CSMD1: variants seen among roughly 807,000 people sequenced by gnomAD.
The protein encoded by CSMD1 is CUB and sushi domain-containing protein 1.
In CSMD1, 213 loss-of-function variants were observed where a neutral mutation model predicts 417.5. The ratio of observed to expected loss-of-function variants is 0.51; its 90% CI spans 0.46 to 0.57. The LOEUF is 0.57. CSMD1 is among the 20% of genes least tolerant of loss of function. CSMD1 has a pLI of 0.00. For missense variants in CSMD1, 6,923 were observed against 4,529.7 expected (o/e 1.53, Z -15.17); for synonymous variants, 2,862 against 1,736.8 (o/e 1.65, Z -16.11).
chr8:3,795,379 CATGT>C lies in CSMD1; in HGVS notation c.819-41341_819-41338del, dbSNP rs1419914773. Among the ~76,000 whole-genome samples, 2 of 37,116 alleles carry C rather than the reference CATGT, an allele frequency of 5.4e-5. 1 individual carries two copies. Among genetic ancestry groups the C allele is most frequent in the African/African-American group, 1.8e-4 (2 of 10,846 alleles). 24.3% of individuals were successfully genotyped at this position (37,116 alleles called of 152,430 possible). ...ATCTATCATGTATATAGATATATATCATGTATAGATATAGATATCTATCATAGAT... is the reference window on the plus strand; with the variant it reads ...ATCTATCATGTATATAGATATATATCATAGATATAGATATCTATCATAGAT... On this transcript the variant is annotated intron_variant, in intron 5 of 69. Transcript: ENST00000635120.
intron 1 of CSMD1, among the ~76,000 whole-genome samples, chr8:4,721,116 C>G (rs1809026501): frequency 6.6e-6 from 1 of 152,144 alleles, no homozygotes; most frequent in African/African-American, 2.4e-5. Context: ...GCTTTGGAAA[C>G]TTACAAATGC....
chr8:3,737,127 C>T (rs950377692), intron 6 of CSMD1, among the ~76,000 whole-genome samples: 1 of 152,200 alleles, frequency 6.6e-6, no homozygotes, highest in Non-Finnish European at 1.5e-5. Flanking sequence ...ATATTTTAAT[C>T]TTAAATTAGA....
intron 2 of CSMD1, among the ~76,000 whole-genome samples, chr8:4,626,187 T>C (rs1802099791): frequency 6.6e-6 from 1 of 152,160 alleles, no homozygotes; most frequent in Non-Finnish European, 1.5e-5. Context: ...AAGGTTTTCT[T>C]TAGCTCAGTT....
intron 3 of CSMD1, among the ~76,000 whole-genome samples, chr8:4,141,931 C>A (rs1204882747): frequency 6.6e-6 from 1 of 150,938 alleles, no homozygotes. Context: ...ATTTGCTATG[C>A]TATCCAAAAT....
At position 3,562,389 on chromosome 8, in the gene CSMD1, TACACACATGCATAC is replaced by T. The variant is rs1051520851; in HGVS notation, c.1344+12542_1344+12555del. ...ACACACACATGCACACACACACACG[TACACACATGCATAC>T]ACACACATGCACAAACACACATGCA... On this transcript the variant is annotated intron_variant, in intron 10 of 69. Coordinates refer to ENST00000635120, the MANE Select transcript of CSMD1 (RefSeq NM_033225.6). Among the ~76,000 whole-genome samples, 172 of 142,656 alleles carry T rather than the reference TACACACATGCATAC, an allele frequency of 1.2e-3. 1 individual carries two copies. The highest frequency in any genetic ancestry group is 2.9e-4 in the Non-Finnish European group (19 of 64,488). The allele number at this position is 142,656 out of a possible 152,430, so 93.6% of individuals were successfully genotyped here.
At chr8:3,479,634 G>C (rs1817622496) in intron 11 of CSMD1, among the ~76,000 whole-genome samples, 1 of 152,164 alleles carries the variant, frequency 6.6e-6, no homozygotes, top group South Asian at 2.1e-4. Flanking sequence ...AAAAACCACA[G>C]TTGCTTTTTC....
At chr8:4,698,113 A>G (rs917687550) in intron 1 of CSMD1, among the ~76,000 whole-genome samples, 5 of 149,688 alleles carry the variant, frequency 3.3e-5, no homozygotes, top group Non-Finnish European at 7.4e-5. Flanking sequence ...AAATCTGTGA[A>G]CACTTTTGCT....
At chr8:3,409,781 G>C (rs77711727) in intron 12 of CSMD1, among the ~76,000 whole-genome samples, 176 bp from the exon 13 acceptor site, 2,740 of 152,256 alleles carry the variant, frequency 0.018, 84 homozygotes, top group African/African-American at 0.063. Context: ...ACCAGAAAAA[G>C]AATGTCATTT....
At position 4,217,494 on chromosome 8, in the gene CSMD1, C is replaced by T. The variant is rs765777640; in HGVS notation, c.416-185395G>A. Reference sequence around the variant, plus strand: ...AAACACAGGTAAGGGTCACATGACTCGTCCCTGGCATCAAGGGGAGGGAGA... The same window carrying T: ...AAACACAGGTAAGGGTCACATGACTTGTCCCTGGCATCAAGGGGAGGGAGA... On this transcript the variant is annotated intron_variant, in intron 3 of 69. Transcript: ENST00000635120. Among the ~76,000 whole-genome samples the T allele has an allele frequency of 7.9e-5, 12 of 152,128 alleles. 1 individual carries two copies. Among genetic ancestry groups the T allele is most frequent in the Non-Finnish European group, 1.3e-4 (9 of 68,030 alleles).
intron 36 of CSMD1, among the ~76,000 whole-genome samples, chr8:3,186,686 A>T (rs1821780315): frequency 6.6e-6 from 1 of 152,214 alleles, no homozygotes. Context: ...TTAAGAAAAA[A>T]TATATATTCC....
At chr8:3,794,154 C>T (rs1390507893) in intron 5 of CSMD1, among the ~76,000 whole-genome samples, 2 of 152,106 alleles carry the variant, frequency 1.3e-5, no homozygotes, top group African/African-American at 2.4e-5. Context: ...TCCCATTATC[C>T]CAGCAAATGA....
chr8:4,652,312 C>T (rs1803948361), intron 1 of CSMD1, among the ~76,000 whole-genome samples: 1 of 152,280 alleles, frequency 6.6e-6, no homozygotes, highest in Non-Finnish European at 1.5e-5. Flanking sequence ...AGACATTTGA[C>T]ATTTCTCATT....
chr8:3,454,118 G>A, intron 12 of CSMD1, among the ~76,000 whole-genome samples: 1 of 152,120 alleles, frequency 6.6e-6, no homozygotes, highest in Non-Finnish European at 1.5e-5. Context: ...TGTTTTATCA[G>A]AGACTAGGAT....
At chr8:3,700,567 G>T (rs1585097311) in intron 7 of CSMD1, 1 of 152,220 alleles carries the variant, frequency 6.6e-6, no homozygotes, top group Non-Finnish European at 1.5e-5. Context: ...TACTTGGATG[G>T]GAGAAGTTGT....
intron 46 of CSMD1, among the ~76,000 whole-genome samples, chr8:3,104,379 A>C (rs569644731): frequency 2.0e-5 from 3 of 152,246 alleles, no homozygotes; most frequent in Non-Finnish European, 2.9e-5. Context: ...CCCACTTCTA[A>C]GTAAGGCAAC....
chr8:3,730,785 T>G (rs1802800453), intron 6 of CSMD1, among the ~76,000 whole-genome samples: 1 of 152,170 alleles, frequency 6.6e-6, no homozygotes, highest in Non-Finnish European at 1.5e-5. Context: ...GGTGATACCC[T>G]TAACCTAATA....
chr8:4,016,314 A>G (rs1464326780), intron 4 of CSMD1, among the ~76,000 whole-genome samples: 1 of 152,104 alleles, frequency 6.6e-6, no homozygotes, highest in East Asian at 1.9e-4. Flanking sequence ...TAAATGGGGA[A>G]TAATTAACTA....
chr8:4,707,941 A>C (rs1038117085), intron 1 of CSMD1, among the ~76,000 whole-genome samples: 1 of 138,128 alleles, frequency 7.2e-6, no homozygotes, highest in Non-Finnish European at 1.5e-5. Context: ...AGGGGAAAGA[A>C]GTTTCCGTGT....
At chr8:3,298,476 C>T (rs1466955776) in intron 25 of CSMD1, among the ~76,000 whole-genome samples, 3 of 152,242 alleles carry the variant, frequency 2.0e-5, no homozygotes, top group South Asian at 2.1e-4. Context: ...CTTTTTTAGA[C>T]AGAGTCTTGA....
Sources: allele counts gnomAD v4.1 joint callset (sites outside exome capture counted in the v4.1 genomes callset), GRCh38; gene constraint gnomAD v4.1.1; transcripts MANE v1.5; gene names NCBI Gene and HGNC (gene_info 2026-07-23, HGNC 2026-07-21).